The following ADCY8 variants were observed in gnomAD, a reference collection of about 807,000 sequenced individuals.
ADCY8 encodes adenylate cyclase type 8.
A neutral mutation model predicts 119.7 loss-of-function variants in ADCY8; 51 were observed. The ratio of observed to expected loss-of-function variants is 0.43; its 90% CI spans 0.34 to 0.54. The LOEUF (loss-of-function observed/expected upper bound fraction) is 0.54, where lower values mean the gene tolerates loss of function less well. Ranked by LOEUF, ADCY8 falls within the 20% of genes least tolerant of loss-of-function variation. The pLI is 0.03. For synonymous variants in ADCY8, 665 were observed against 651.0 expected, an observed-to-expected ratio of 1.02 and a Z score of -0.33; for missense variants, 1,383 against 1,598.8, an observed-to-expected ratio of 0.87 and a Z score of 2.30.
intron 1 of ADCY8, among the ~76,000 whole-genome samples, chr8:131,004,355 C>G (rs1823048367): frequency 6.6e-6 from 1 of 152,194 alleles, no homozygotes; most frequent in Non-Finnish European, 1.5e-5. Flanking sequence ...CACTCCACCT[C>G]CCATGCTTTT....
chr8:130,891,777 G>C (rs1458365871), intron 7 of ADCY8, among the ~76,000 whole-genome samples: 3 of 152,072 alleles, frequency 2.0e-5, no homozygotes, highest in African/African-American at 7.2e-5. Flanking sequence ...ATCCACATGA[G>C]ATCTCCAAGA....
intron 3 of ADCY8, among the ~76,000 whole-genome samples, chr8:130,943,807 A>AT (rs1163402490): frequency 4.6e-5 from 7 of 152,152 alleles, no homozygotes; most frequent in Non-Finnish European, 8.8e-5. Context: ...TTATCTCCAT[A>AT]TTTTCACAAT....
At chr8:130,826,245 G>A (rs1182100456) in intron 12 of ADCY8, among the ~76,000 whole-genome samples, 1 of 152,092 alleles carries the variant, frequency 6.6e-6, no homozygotes, top group Admixed American at 6.6e-5. Context: ...GTTTAAATGA[G>A]ATGATAAATT....
intron 9 of ADCY8, among the ~76,000 whole-genome samples, chr8:130,854,537 G>A (rs72712481): frequency 0.077 from 11,755 of 152,146 alleles, 511 homozygotes; most frequent in Non-Finnish European, 0.1. Context: ...AGACTCTATG[G>A]GTACAATAGT....
intron 2 of ADCY8, among the ~76,000 whole-genome samples, chr8:130,983,189 A>G (rs2130727880): frequency 6.6e-6 from 1 of 152,398 alleles, no homozygotes; most frequent in Admixed American, 6.5e-5. Flanking sequence ...TAGGAAGGGC[A>G]GGCAGCTACA....
chr8:130,797,582 A>G (rs1430659394), intron 15 of ADCY8, among the ~76,000 whole-genome samples: 1 of 152,110 alleles, frequency 6.6e-6, no homozygotes, highest in African/African-American at 2.4e-5. Flanking sequence ...GGCCCTGGAG[A>G]CTTAACAAGA....
At chr8:130,898,766 C>T (rs1586548838) in intron 7 of ADCY8, among the ~76,000 whole-genome samples, 2 of 152,158 alleles carry the variant, frequency 1.3e-5, no homozygotes, top group Admixed American at 1.3e-4. Flanking sequence ...GATTAATATC[C>T]TACACACAAT....
At chr8:130,921,120 G>A (rs560530225) in intron 5 of ADCY8, among the ~76,000 whole-genome samples, 2 of 151,998 alleles carry the variant, frequency 1.3e-5, no homozygotes, top group African/African-American at 4.8e-5. Flanking sequence ...TTCTTTTCTA[G>A]TTCTATTAGT....
At chr8:130,970,062 G>A (rs1050030325) in intron 2 of ADCY8, among the ~76,000 whole-genome samples, 1 of 152,210 alleles carries the variant, frequency 6.6e-6, no homozygotes, top group African/African-American at 2.4e-5. Flanking sequence ...CCCTGGCTCA[G>A]CTATGCATGT....
intron 1 of ADCY8, among the ~76,000 whole-genome samples, chr8:131,027,098 G>A (rs1823845954): frequency 6.6e-6 from 1 of 152,156 alleles, no homozygotes; most frequent in African/African-American, 2.4e-5. Flanking sequence ...CTGTCTCATT[G>A]AGAGTCATGC....
At chr8:130,807,156 A>G (rs1433733050) in intron 14 of ADCY8, among the ~76,000 whole-genome samples, 2 of 152,228 alleles carry the variant, frequency 1.3e-5, no homozygotes, top group African/African-American at 4.8e-5. Flanking sequence ...TGCATATGTC[A>G]GTATGAGGAC....
At chr8:130,964,319 C>T (rs1821697125) in intron 2 of ADCY8, among the ~76,000 whole-genome samples, 1 of 152,200 alleles carries the variant, frequency 6.6e-6, no homozygotes, top group African/African-American at 2.4e-5. Flanking sequence ...AGATGGTAAA[C>T]AGATTTATAA....
intron 9 of ADCY8, 104 bp downstream of exon 9, chr8:130,867,742 T>C: frequency 1.4e-6 from 1 of 737,498 alleles, no homozygotes; most frequent in Non-Finnish European, 2.2e-6. Flanking sequence ...CGTCCTGGAC[T>C]CAGTTATTTT....
intron 2 of ADCY8, among the ~76,000 whole-genome samples, chr8:130,976,988 G>A (rs1054823229): frequency 5.3e-5 from 8 of 152,104 alleles, no homozygotes; most frequent in Admixed American, 3.9e-4. Context: ...CTGTCCCATC[G>A]CGCAGGACAT....
intron 12 of ADCY8, among the ~76,000 whole-genome samples, chr8:130,829,175 G>C (rs1466426454): frequency 4.6e-5 from 7 of 152,326 alleles, no homozygotes; most frequent in Non-Finnish European, 1.5e-5. Context: ...GGATAAGCCA[G>C]TTTATCGATC....
chr8:130,969,229 A>AC (rs1279710671), intron 2 of ADCY8, among the ~76,000 whole-genome samples: 2 of 152,086 alleles, frequency 1.3e-5, no homozygotes, highest in African/African-American at 4.8e-5. Flanking sequence ...TAAATAGAGA[A>AC]AAAAAAGCTG....
intron 1 of ADCY8, among the ~76,000 whole-genome samples, chr8:131,013,013 A>C (rs1563767680): frequency 6.6e-6 from 1 of 152,228 alleles, no homozygotes; most frequent in Non-Finnish European, 1.5e-5. Context: ...TTGTCAAATA[A>C]ACCTAATCAA....
intron 1 of ADCY8, among the ~76,000 whole-genome samples, chr8:131,035,631 C>T (rs1476622193): frequency 1.3e-5 from 2 of 152,208 alleles, no homozygotes; most frequent in African/African-American, 4.8e-5. Flanking sequence ...GATGTCATTT[C>T]CTTCAGGGTA....
chr8:130,947,518 A>C (rs1319624746), intron 3 of ADCY8, among the ~76,000 whole-genome samples: 1 of 152,240 alleles, frequency 6.6e-6, no homozygotes, highest in East Asian at 1.9e-4. Flanking sequence ...AAAGTCATCA[A>C]GTTCTCTAGC....
Sources: gnomAD v4.1 joint callset for allele counts (sites outside exome capture counted in the v4.1 genomes callset) on GRCh38, gnomAD v4.1.1 for gene constraint, MANE v1.5 for transcripts, NCBI Gene and HGNC (gene_info 2026-07-23, HGNC 2026-07-21) for gene names.